Variants in C22orf42 observed in about 807,000 individuals in gnomAD.
C22orf42 encodes the protein chromosome 22 open reading frame 42, also known as uncharacterized protein C22orf42.
In C22orf42, 24 loss-of-function variants were observed where a neutral mutation model predicts 31.4. That is an observed-to-expected ratio of 0.77 (90% confidence interval 0.55 to 1.08). C22orf42 has a LOEUF of 1.08. Among genes scored for constraint, C22orf42 ranks in the 50% least tolerant of loss-of-function variants. C22orf42 has a pLI of 0.00. For synonymous variants in C22orf42, 96 were observed against 112.7 expected, an observed-to-expected ratio of 0.85 and a Z score of 0.94; for missense variants, 276 against 327.3, an observed-to-expected ratio of 0.84 and a Z score of 1.21.
intron 2 of C22orf42, among the ~76,000 whole-genome samples, chr22:32,153,038 A>G (rs1921057861): frequency 6.6e-6 from 1 of 152,234 alleles, no homozygotes; most frequent in South Asian, 2.1e-4. Flanking sequence ...GTGTTCTTCA[A>G]ATTGTAGTGA....
rs368063889 is a variant in C22orf42 at position 32,152,512 on chromosome 22, C to T, written c.372+50G>A. ...ATACTCACTTGATATTCTAGAAGCCCCAGAAAAAACAAAAAGCATTTCTCT... is the reference window on the plus strand; with the variant it reads ...ATACTCACTTGATATTCTAGAAGCCTCAGAAAAAACAAAAAGCATTTCTCT... On this transcript the variant is annotated intron_variant, in intron 3 of 8. Coordinates refer to ENST00000382097, the MANE Select transcript of C22orf42 (RefSeq NM_001010859.3). 1,330 of 1,495,334 alleles carry T rather than the reference C, an allele frequency of 8.9e-4. 4 individuals are homozygous for T. The highest frequency in any genetic ancestry group is 8.6e-4 in the Middle Eastern group (5 of 5,832). The allele number at this position is 1,495,334 out of a possible 1,614,324, so 92.6% of individuals were successfully genotyped here.
In C22orf42 at chr22:32,151,737, A is replaced by G. The variant is rs559967208; in HGVS notation, c.401-186T>C. Among the ~76,000 whole-genome samples the G allele has an allele frequency of 1.4e-4, 21 of 152,296 alleles. No homozygotes were observed. In the South Asian group the frequency reaches 4.4e-3, roughly 32 times the overall value. On this transcript the variant is annotated intron_variant, in intron 4 of 8. Coordinates refer to ENST00000382097, the MANE Select transcript of C22orf42 (RefSeq NM_001010859.3). ...CAAAGGAGAAGGGTAGAAAGAAATG[A>G]AAGAGCCTTGGCTTTCCAGCTAGGG...
chr22:32,153,692 C>A (rs941839547), intron 2 of C22orf42, among the ~76,000 whole-genome samples: 21 of 152,118 alleles, frequency 1.4e-4, no homozygotes, highest in African/African-American at 5.1e-4. Context: ...CTAAGTATTT[C>A]CTCAGTTACA....
At chr22:32,157,765 A>G (rs922230485) in intron 1 of C22orf42, among the ~76,000 whole-genome samples, 2 of 152,260 alleles carry the variant, frequency 1.3e-5, no homozygotes, top group Admixed American at 6.5e-5. Context: ...GCTAGTACCC[A>G]CAAAGCCTCC....
chr22:32,159,002 T>A lies in C22orf42; in HGVS notation c.214A>T (p.Met72Leu). The change falls in exon 1 of 9, where the codon ATG becomes TTG. Residue 72 changes from methionine (M) to leucine (L), a missense_variant. By Grantham distance (15) the Met-to-Leu change is conservative. Transcript: ENST00000382097. ...QYLSLPKTPK[M>L]LKMSKGLDAR... is the part of the protein sequence containing the mutation. ...TCTTTACCTTTGGACATCTTCAGCA[T>A]CTTCGGCGTCTTCGGGAGGCTGAGG... 1 of 1,604,266 alleles carries A rather than the reference T, an allele frequency of 6.2e-7. No homozygotes were observed. Among genetic ancestry groups the A allele is most frequent in the Non-Finnish European group, 8.5e-7 (1 of 1,175,242 alleles).
intron 2 of C22orf42, 140 bp from the exon 3 acceptor site, chr22:32,152,766 C>T (rs1921041138): frequency 1.3e-6 from 1 of 781,444 alleles, no homozygotes; most frequent in Middle Eastern, 2.7e-4. Flanking sequence ...CTGGACCATT[C>T]TCCTTGGTGT....
intron 2 of C22orf42, among the ~76,000 whole-genome samples, chr22:32,153,659 C>T (rs1921091945): frequency 6.6e-6 from 1 of 152,110 alleles, no homozygotes; most frequent in East Asian, 1.9e-4. Context: ...GTAGTCTTAC[C>T]ATACAAGCAA....
intron 1 of C22orf42, among the ~76,000 whole-genome samples, chr22:32,158,395 A>G (rs1450116907): frequency 6.6e-6 from 1 of 152,250 alleles, no homozygotes; most frequent in Non-Finnish European, 1.5e-5. Context: ...CAATTTCTTT[A>G]CAGCTCTGGC....
At chr22:32,150,047 T>C (rs1460687581) in intron 7 of C22orf42, 1 of 542,562 alleles carries the variant, frequency 1.8e-6, no homozygotes, top group East Asian at 2.9e-5. Flanking sequence ...TACCAGATAG[T>C]TTGTAAGTGA....
At chr22:32,151,750 T>C (rs1298753113) in intron 4 of C22orf42, among the ~76,000 whole-genome samples, 199 bp from the exon 5 acceptor site, 3 of 152,182 alleles carry the variant, frequency 2.0e-5, no homozygotes, top group Non-Finnish European at 4.4e-5. Context: ...GAGCCTTGGC[T>C]TTCCAGCTAG....
chr22:32,160,387 G>A (rs1282963291), upstream of C22orf42: 1 of 152,126 alleles, frequency 6.6e-6, no homozygotes, highest in Non-Finnish European at 1.5e-5. Flanking sequence ...TGCCAATACT[G>A]CATGTGTGAA....
rs547412331 is a variant in C22orf42, at chr22:32,158,855, G to A, written c.232+129C>T. On this transcript the variant is annotated intron_variant, in intron 1 of 8. Transcript: ENST00000382097. The stretch of plus-strand genomic sequence containing the variant: ...CTTTGTCCCCCATGCCTAGCCCTGG[G>A]AAAGCCGGCTATGGGCAGGAGGGAG... The A allele has an allele frequency of 1.8e-5, 19 of 1,042,006 alleles. No homozygotes were observed. The East Asian group carries it at 4.0e-4, about 22-fold the overall frequency. The allele number at this position is 1,042,006 out of a possible 1,614,324, so 64.5% of individuals were successfully genotyped here. A position where few individuals can be genotyped will look rare whatever the true frequency, so the allele number is the denominator to read the frequency against.
chr22:32,150,216 C>A (rs2094110175), intron 7 of C22orf42, 103 bp downstream of exon 7: 2 of 1,196,054 alleles, frequency 1.7e-6, no homozygotes. Flanking sequence ...TTGTATTTGT[C>A]TTCTATAATA....
In C22orf42 at chr22:32,149,306, G is replaced by A. The variant is rs1460844944; in HGVS notation, c.*234C>T. On this transcript the variant is annotated 3_prime_UTR_variant, in exon 9 of 9. Transcript: ENST00000382097. The stretch of plus-strand genomic sequence containing the variant: ...CCACTCTGTAATGACCCAGGATGGG[G>A]CGGGTGTTCTTCTGCATGGTGACTG... The A allele has an allele frequency of 6.4e-6, 2 of 312,816 alleles. No individual in the cohort carries two copies. The highest frequency in any genetic ancestry group is 1.1e-5 in the Non-Finnish European group (2 of 177,450). 19.4% of individuals were successfully genotyped at this position (312,816 alleles called of 1,614,324 possible). A position where few individuals can be genotyped will look rare whatever the true frequency, so the allele number is the denominator to read the frequency against.
In C22orf42 at chr22:32,152,571, T is replaced by G; in HGVS notation, c.363A>C (p.Thr121=). Residue 121 remains threonine, a synonymous_variant, in exon 3 of 9, where the codon ACA becomes ACC. Coordinates refer to ENST00000382097, the MANE Select transcript of C22orf42 (RefSeq NM_001010859.3). Reference sequence around the variant, plus strand: ...AAGAAATACATCTTACAATATCTGATGTCATATTCTCCTCCACACCGCCGT... The same window carrying G: ...AAGAAATACATCTTACAATATCTGAGGTCATATTCTCCTCCACACCGCCGT... ...SAHGGVEENM[T]SDIEIPEAKH... is the part of the protein sequence containing the mutation. The G allele has an allele frequency of 6.3e-7, 1 of 1,597,144 alleles. No individual in the cohort carries two copies. The highest frequency in any genetic ancestry group is 8.6e-7 in the Non-Finnish European group (1 of 1,167,054).
intron 1 of C22orf42, among the ~76,000 whole-genome samples, chr22:32,156,957 T>C (rs1921291891): frequency 6.6e-6 from 1 of 152,222 alleles, no homozygotes; most frequent in African/African-American, 2.4e-5. Flanking sequence ...CAGCAATATA[T>C]GCATGCAACT....
intron 1 of C22orf42, among the ~76,000 whole-genome samples, chr22:32,157,299 C>A (rs201991274): frequency 2.0e-5 from 3 of 152,098 alleles, no homozygotes; most frequent in South Asian, 2.1e-4. Flanking sequence ...CTCACACAGC[C>A]GCTGGTCAGT....
At chr22:32,151,996 AC>A (rs67223520) in intron 4 of C22orf42, 70 bp downstream of exon 4, 227,702 of 1,445,648 alleles carry the variant, frequency 0.16, 18,256 homozygotes, top group South Asian at 0.17. Context: ...TGAATCACTT[AC>A]GTTAAATGAG....
chr22:32,154,829 G>C (rs112800702), intron 1 of C22orf42, among the ~76,000 whole-genome samples: 1 of 138,834 alleles, frequency 7.2e-6, no homozygotes, highest in Admixed American at 7.1e-5. Flanking sequence ...CAATGTCTGG[G>C]AGAATAATCC....
Sources: gnomAD v4.1 joint callset for allele counts (sites outside exome capture counted in the v4.1 genomes callset) on GRCh38, gnomAD v4.1.1 for gene constraint, MANE v1.5 for transcripts, NCBI Gene and HGNC (gene_info 2026-07-23, HGNC 2026-07-21) for gene names.